The following PPP1R9A variants were observed in gnomAD, a reference collection of about 807,000 sequenced individuals.
PPP1R9A encodes the protein protein phosphatase 1 regulatory subunit 9A.
PPP1R9A carries 59 observed loss-of-function variants against 141.9 expected under a neutral mutation model. The ratio of observed to expected loss-of-function variants is 0.42; its 90% CI spans 0.34 to 0.52. PPP1R9A has a LOEUF of 0.52. PPP1R9A is among the 20% of genes least tolerant of loss of function. PPP1R9A has a pLI of 0.10. For synonymous variants in PPP1R9A, 500 were observed against 569.7 expected (o/e 0.88, Z 1.74); for missense variants, 1,444 against 1,611.9 (o/e 0.90, Z 1.78).
chr7:95,204,300 A>G (rs867908229), intron 7 of PPP1R9A, among the ~76,000 whole-genome samples: 2 of 152,228 alleles, frequency 1.3e-5, no homozygotes, highest in South Asian at 2.1e-4. Flanking sequence ...TGCTGTTAAT[A>G]TAGATAGCAG....
chr7:95,161,179 T>C (rs1370769137), intron 4 of PPP1R9A, among the ~76,000 whole-genome samples: 1 of 152,052 alleles, frequency 6.6e-6, no homozygotes, highest in African/African-American at 2.4e-5. Flanking sequence ...CTTCCCAGCA[T>C]CTGTTTGTTT....
intron 2 of PPP1R9A, among the ~76,000 whole-genome samples, chr7:95,064,301 AGTATACT>A (rs1812657537): frequency 6.6e-6 from 1 of 152,218 alleles, no homozygotes; most frequent in Non-Finnish European, 1.5e-5. Flanking sequence ...ACTCATGGCT[AGTATACT>A]GCTATAGCTC....
chr7:94,998,718 T>G (rs1477852899), intron 2 of PPP1R9A, among the ~76,000 whole-genome samples: 1 of 152,194 alleles, frequency 6.6e-6, no homozygotes. Flanking sequence ...GATTTCTGCT[T>G]ATCCGTTTTA....
At chr7:95,028,321 T>C (rs1340090060) in intron 2 of PPP1R9A, among the ~76,000 whole-genome samples, 1 of 152,146 alleles carries the variant, frequency 6.6e-6, no homozygotes, top group Non-Finnish European at 1.5e-5. Context: ...AAACTCAGCC[T>C]AGAATAACTG....
rs186312782 is a variant in PPP1R9A at position 94,970,528 on chromosome 7, G to A, written c.1395+59020G>A. Reference sequence around the variant, plus strand: ...TCTCTAACCAGTCCCAATGAGATGAGCTGCGTACCTCGGTTAGAAATGTAG... The same window carrying A: ...TCTCTAACCAGTCCCAATGAGATGAACTGCGTACCTCGGTTAGAAATGTAG... On this transcript the variant is annotated intron_variant, in intron 2 of 19. Transcript: ENST00000433360. Among the ~76,000 whole-genome samples, 14 of 152,150 alleles carry A rather than the reference G, an allele frequency of 9.2e-5. No individual in the cohort carries two copies. The East Asian group carries it at 2.5e-3, about 27-fold the overall frequency.
chr7:94,949,467 A>G (rs1183646900), intron 2 of PPP1R9A, among the ~76,000 whole-genome samples: 2 of 152,188 alleles, frequency 1.3e-5, no homozygotes, highest in South Asian at 4.1e-4. Context: ...CAAGGAGGGC[A>G]TAAAATAGGG....
intron 2 of PPP1R9A, among the ~76,000 whole-genome samples, chr7:95,070,743 G>A (rs1813703040): frequency 1.3e-5 from 2 of 151,402 alleles, no homozygotes. Flanking sequence ...GGAGCATTTT[G>A]TCAGATTATG....
intron 4 of PPP1R9A, among the ~76,000 whole-genome samples, chr7:95,135,586 G>A (rs1825503562): frequency 6.6e-6 from 1 of 151,892 alleles, no homozygotes; most frequent in Admixed American, 6.6e-5. Flanking sequence ...TATTGATATT[G>A]TACAAACCTG....
At chr7:94,970,618 A>G (rs2151219609) in intron 2 of PPP1R9A, among the ~76,000 whole-genome samples, 1 of 145,104 alleles carries the variant, frequency 6.9e-6, no homozygotes, top group African/African-American at 2.5e-5. Context: ...CTATTTGACC[A>G]TCTTGCCAGC....
intron 2 of PPP1R9A, among the ~76,000 whole-genome samples, chr7:94,999,083 GT>G (rs1277683523): frequency 6.6e-6 from 1 of 152,054 alleles, no homozygotes; most frequent in Admixed American, 6.6e-5. Flanking sequence ...CTCTTCAATT[GT>G]TGTGTTTATG....
At chr7:95,179,009 C>T (rs1329684622) in intron 5 of PPP1R9A, among the ~76,000 whole-genome samples, 1 of 152,086 alleles carries the variant, frequency 6.6e-6, no homozygotes, top group East Asian at 1.9e-4. Context: ...AGGGAACCCT[C>T]CCTAAATCAT....
At chr7:95,175,360 ATAATT>A (rs1832750062) in intron 5 of PPP1R9A, among the ~76,000 whole-genome samples, 1 of 152,016 alleles carries the variant, frequency 6.6e-6, no homozygotes, top group African/African-American at 2.4e-5. Flanking sequence ...ATACCACAAT[ATAATT>A]TAATTTATGT....
chr7:95,259,502 G>T (rs1800109869), intron 12 of PPP1R9A, among the ~76,000 whole-genome samples: 1 of 152,106 alleles, frequency 6.6e-6, no homozygotes, highest in Admixed American at 6.6e-5. Context: ...TGCTCCTAAG[G>T]TCATTGGACT....
At chr7:94,976,209 A>G (rs918377323) in intron 2 of PPP1R9A, among the ~76,000 whole-genome samples, 1 of 152,210 alleles carries the variant, frequency 6.6e-6, no homozygotes, top group African/African-American at 2.4e-5. Flanking sequence ...CAGGACAGAA[A>G]ACTAAAATAC....
Position 95,274,081 on chromosome 7 carries a change from A to G in PPP1R9A, c.3213-4A>G, listed in dbSNP as rs374909589. The G allele has an allele frequency of 1.3e-6, 2 of 1,566,592 alleles. No individual in the cohort carries two copies. The highest frequency in any genetic ancestry group is 1.7e-6 in the Non-Finnish European group (2 of 1,155,978). ...CCCTTTCTGACTGCTTACTATCATT[A>G]CAGGGCGCCTTTGCGAAGGAATTCC... On this transcript the variant is annotated splice_polypyrimidine_tract_variant and splice_region_variant and intron_variant, in intron 15 of 19. Coordinates refer to ENST00000433360, the MANE Select transcript of PPP1R9A (RefSeq NM_001166160.2).
intron 2 of PPP1R9A, among the ~76,000 whole-genome samples, chr7:95,009,578 T>TA (rs1472517987): frequency 6.6e-6 from 1 of 152,168 alleles, no homozygotes; most frequent in Admixed American, 6.5e-5. Flanking sequence ...ACTGGACCCT[T>TA]ACAAGTGCTC....
chr7:95,212,562 G>A (rs1318327325), intron 7 of PPP1R9A, among the ~76,000 whole-genome samples: 1 of 152,254 alleles, frequency 6.6e-6, no homozygotes, highest in Non-Finnish European at 1.5e-5. Flanking sequence ...CATTTAATCA[G>A]ATAAGATCTT....
At chr7:95,244,742 T>G (rs752142762) in intron 8 of PPP1R9A, among the ~76,000 whole-genome samples, 3 of 152,160 alleles carry the variant, frequency 2.0e-5, no homozygotes, top group African/African-American at 7.2e-5. Context: ...CACATTTAAC[T>G]GAGAGGTGAA....
chr7:95,199,410 T>C (rs1789029751), intron 6 of PPP1R9A, among the ~76,000 whole-genome samples: 1 of 152,182 alleles, frequency 6.6e-6, no homozygotes, highest in Admixed American at 6.5e-5. Context: ...CCCCTTCTTA[T>C]CTGAATATAT....
Sources: gnomAD v4.1 joint callset for allele counts (sites outside exome capture counted in the v4.1 genomes callset) on GRCh38, gnomAD v4.1.1 for gene constraint, MANE v1.5 for transcripts, NCBI Gene and HGNC (gene_info 2026-07-23, HGNC 2026-07-21) for gene names.